The following RERE variants were observed in gnomAD, a reference collection of about 807,000 sequenced individuals.
RERE encodes arginine-glutamic acid dipeptide repeats protein.
RERE carries 40 observed loss-of-function variants against 146.1 expected under a neutral mutation model. The observed-to-expected ratio is 0.27, with a 90% CI of 0.21 to 0.36. The LOEUF is 0.36. Among genes scored for constraint, RERE ranks in the 10% least tolerant of loss-of-function variants. RERE has a pLI of 1.00. For synonymous variants in RERE, 1,003 were observed against 866.0 expected (o/e 1.16, Z -2.78); for missense variants, 1,933 against 2,138.7 (o/e 0.90, Z 1.90).
At chr1:8,566,362 C>G (rs1401966191) in intron 4 of RERE, among the ~76,000 whole-genome samples, 1 of 152,198 alleles carries the variant, frequency 6.6e-6, no homozygotes, top group Non-Finnish European at 1.5e-5. Context: ...TGGCTCACAC[C>G]TGTAATCCCA....
In RERE at chr1:8,416,503, G is replaced by A. The variant is rs12044042; in HGVS notation, c.1284+6224C>T. Among the ~76,000 whole-genome samples the A allele has an allele frequency of 1.8e-3, 277 of 150,138 alleles. 5 individuals carry two copies. The East Asian group carries it at 0.042, about 23-fold the overall frequency. On this transcript the variant is annotated intron_variant, in intron 12 of 22. Coordinates refer to ENST00000400908, the MANE Select transcript of RERE (RefSeq NM_001042681.2). ...CGGGAGGCTGAGGCAGGAGAATGGC[G>A]TGAACCTGGGAGGCGGAGCTTGCAG...
intron 1 of RERE, among the ~76,000 whole-genome samples, chr1:8,678,171 G>A (rs990115712): frequency 6.6e-6 from 1 of 152,130 alleles, no homozygotes; most frequent in African/African-American, 2.4e-5. Context: ...TGAAAGTAAT[G>A]AAATATTTGG....
chr1:8,423,741 G>C lies in RERE; in HGVS notation c.1204-934C>G, dbSNP rs991426530. On this transcript the variant is annotated intron_variant, in intron 11 of 22. Coordinates refer to ENST00000400908, the MANE Select transcript of RERE (RefSeq NM_001042681.2). This position sits in a 1 kb window ranked among gnomAD's most constrained non-coding sequence, Gnocchi z 5.4. ...GGCGGGGCCGCGCGGCGCGGGGCCCGGGGGGCGCGGGGCTGGGGCCGCCGC... is the reference window on the plus strand; with the variant it reads ...GGCGGGGCCGCGCGGCGCGGGGCCCCGGGGGCGCGGGGCTGGGGCCGCCGC... The C allele has an allele frequency of 6.2e-6, 6 of 961,646 alleles. No homozygotes were observed. In the African/African-American group the frequency reaches 8.9e-5, roughly 14 times the overall value. The allele number at this position is 961,646 out of a possible 1,614,324, so 59.6% of individuals were successfully genotyped here.
chr1:8,525,020 T>C (rs1645552900), intron 7 of RERE, among the ~76,000 whole-genome samples: 1 of 152,180 alleles, frequency 6.6e-6, no homozygotes, highest in Non-Finnish European at 1.5e-5. Context: ...TACCTAAACT[T>C]CAATTTCTAA....
chr1:8,426,969 G>A (rs1374371896), intron 11 of RERE, among the ~76,000 whole-genome samples: 1 of 152,174 alleles, frequency 6.6e-6, no homozygotes. Flanking sequence ...TACACCTAGT[G>A]CCTCCATATA....
chr1:8,609,111 A>G (rs3850467), intron 4 of RERE, among the ~76,000 whole-genome samples: 128,300 of 152,004 alleles, frequency 0.84, 54,435 homozygotes, highest in East Asian at 0.94. Context: ...TCAGCTACTC[A>G]GGAGGCTGAG....
intron 7 of RERE, among the ~76,000 whole-genome samples, chr1:8,509,002 C>T (rs1355674728): frequency 6.6e-6 from 1 of 152,178 alleles, no homozygotes; most frequent in Non-Finnish European, 1.5e-5. Flanking sequence ...GCAACCTCCG[C>T]CTCTTGGGTT....
chr1:8,484,843 A>G (rs1285230262), intron 10 of RERE, among the ~76,000 whole-genome samples: 1 of 152,246 alleles, frequency 6.6e-6, no homozygotes, highest in Non-Finnish European at 1.5e-5. Context: ...TTTCCTAATG[A>G]GAGAGACCAA....
At chr1:8,569,067 C>G (rs1055070263) in intron 4 of RERE, among the ~76,000 whole-genome samples, 1 of 152,160 alleles carries the variant, frequency 6.6e-6, no homozygotes, top group South Asian at 2.1e-4. Flanking sequence ...CCATTCTAAA[C>G]AGTATTCTCC....
At chr1:8,809,157 A>AAAAAAAAAAAAAAT (rs985140466) in intron 1 of RERE, among the ~76,000 whole-genome samples, 2 of 146,120 alleles carry the variant, frequency 1.4e-5, no homozygotes, top group African/African-American at 5.5e-5. Flanking sequence ...AAAAAAAAAA[A>AAAAAAAAAAAAAAT]AAAGTACTGA....
intron 11 of RERE, among the ~76,000 whole-genome samples, chr1:8,440,786 C>T (rs1644237028): frequency 6.7e-6 from 1 of 149,084 alleles, no homozygotes; most frequent in Non-Finnish European, 1.5e-5. Context: ...GTCCCACCTA[C>T]TTGGGGAGGC....
At chr1:8,500,165 A>C (rs896140822) in intron 8 of RERE, among the ~76,000 whole-genome samples, 1 of 152,008 alleles carries the variant, frequency 6.6e-6, no homozygotes, top group Non-Finnish European at 1.5e-5. Context: ...TAACACAACA[A>C]ATGTTGGAGT....
intron 1 of RERE, chr1:8,751,125 T>C (rs1489489332): frequency 2.6e-6 from 1 of 391,310 alleles, no homozygotes; most frequent in African/African-American, 2.0e-5. Context: ...TGCTCCAAAG[T>C]GCTTGAAACA....
At position 8,354,897 on chromosome 1, in the gene RERE, A is replaced by G; in HGVS notation, c.*190T>C. On this transcript the variant is annotated 3_prime_UTR_variant, in exon 23 of 23. Transcript: ENST00000400908. ...ACTGTCATGCAGGGAGATCCAAACC[A>G]GTCTCAGGAAATCCTCTCGACAAAC... The G allele has an allele frequency of 1.7e-6, 1 of 602,772 alleles. No individual in the cohort carries two copies. The highest frequency in any genetic ancestry group is 2.1e-5 in the South Asian group (1 of 47,314). The allele number at this position is 602,772 out of a possible 1,614,324, so 37.3% of individuals were successfully genotyped here. A position where few individuals can be genotyped will look rare whatever the true frequency, so the allele number is the denominator to read the frequency against.
intron 1 of RERE, among the ~76,000 whole-genome samples, chr1:8,799,132 T>G (rs997251762): frequency 6.6e-6 from 1 of 151,952 alleles, no homozygotes; most frequent in African/African-American, 2.4e-5. Flanking sequence ...TAGTTAGGAT[T>G]ACAGGAACCC....
At chr1:8,690,578 G>C (rs796225734) in intron 1 of RERE, among the ~76,000 whole-genome samples, 3 of 152,306 alleles carry the variant, frequency 2.0e-5, no homozygotes, top group East Asian at 3.9e-4. Context: ...CTGAGATTTA[G>C]ACAATGTAAA....
Position 8,360,549 on chromosome 1 carries a change from T to TGGGGGGTGAGCCGAC in RERE, c.2943_2957dup (p.Ser982_Pro986dup), listed in dbSNP as rs1641524769. The TGGGGGGTGAGCCGAC allele has an allele frequency of 1.0e-5, 5 of 482,352 alleles. No homozygotes were observed. Among genetic ancestry groups the TGGGGGGTGAGCCGAC allele is most frequent in the Non-Finnish European group, 1.3e-5 (5 of 383,182 alleles). 29.9% of individuals were successfully genotyped at this position (482,352 alleles called of 1,614,324 possible). A position where few individuals can be genotyped will look rare whatever the true frequency, so the allele number is the denominator to read the frequency against. The stretch of plus-strand genomic sequence containing the variant: ...GGCTCTGAGGCATGAGTTGCAGGGG[T>TGGGGGGTGAGCCGAC]GGGGGGTGAGCCGACGGGGGGTGAT... On this transcript the variant is annotated inframe_insertion, in exon 18 of 23. Transcript: ENST00000400908.
intron 11 of RERE, among the ~76,000 whole-genome samples, chr1:8,434,095 G>A (rs1644134938): frequency 6.6e-6 from 1 of 152,122 alleles, no homozygotes. Flanking sequence ...GACAGCTCCT[G>A]GTTTAAATCA....
At position 8,766,576 on chromosome 1, in the gene RERE, AAGAG is replaced by A. The variant is rs561437590; in HGVS notation, c.-145+50580_-145+50583del. Among the ~76,000 whole-genome samples, 1,243 of 151,434 alleles carry A rather than the reference AAGAG, an allele frequency of 8.2e-3. 8 individuals carry two copies. Among genetic ancestry groups the A allele is most frequent in the Non-Finnish European group, 0.014 (953 of 67,796 alleles). On this transcript the variant is annotated intron_variant, in intron 1 of 22. Transcript: ENST00000400908. ...AAAAAAAAAAAAAGAAAAGAAAAAA[AAGAG>A]AGAGAGAGAGACAGTGGCCTGAACT...
Sources: allele counts gnomAD v4.1 joint callset (sites outside exome capture counted in the v4.1 genomes callset), GRCh38; gene constraint gnomAD v4.1.1; non-coding constraint Gnocchi (gnomAD v3.1); transcripts MANE v1.5; gene names NCBI Gene and HGNC (gene_info 2026-07-23, HGNC 2026-07-21).